RSF1: variants seen among roughly 807,000 people sequenced by gnomAD.
RSF1 encodes the protein remodeling and spacing factor 1, also known as HBV pX-associated protein 8.
Under a neutral mutation model 145.2 loss-of-function variants are expected in RSF1, and 13 were observed. That is an observed-to-expected ratio of 0.09 (90% CI 0.06 to 0.14). RSF1 has a LOEUF of 0.14. RSF1 is among the 10% of genes least tolerant of loss of function. The pLI is 1.00. For missense variants in RSF1, 1,517 were observed against 1,718.2 expected, an observed-to-expected ratio of 0.88 and a Z score of 2.07; for synonymous variants, 577 against 592.6, an observed-to-expected ratio of 0.97 and a Z score of 0.38.
chr11:77,834,952 C>T, the RSF1 span, among the ~76,000 whole-genome samples: 1 of 151,952 alleles, frequency 6.6e-6, no homozygotes, highest in African/African-American at 2.4e-5. Context: ...TGAGCTAAAC[C>T]AGAGTAGTCC....
the RSF1 span, among the ~76,000 whole-genome samples, chr11:77,832,884 A>G: frequency 6.6e-6 from 1 of 151,000 alleles, no homozygotes; most frequent in African/African-American, 2.4e-5. Context: ...TCCACAGACC[A>G]GGACAGAGAT....
intron 1 of RSF1, among the ~76,000 whole-genome samples, chr11:77,780,185 T>G (rs779254791): frequency 1.3e-5 from 2 of 152,218 alleles, no homozygotes; most frequent in African/African-American, 2.4e-5. Flanking sequence ...CATAAAGACT[T>G]GTTCAATTCA....
At chr11:77,755,069 G>A (rs145308304) in intron 2 of RSF1, among the ~76,000 whole-genome samples, 256 of 152,332 alleles carry the variant, frequency 1.7e-3, no homozygotes, top group Middle Eastern at 3.4e-3. Context: ...GTAGGTTAGG[G>A]TAAGGAATTA....
chr11:77,782,687 A>G (rs1243277210), intron 1 of RSF1, among the ~76,000 whole-genome samples: 1 of 152,220 alleles, frequency 6.6e-6, no homozygotes, highest in African/African-American at 2.4e-5. Context: ...AGAAAACATA[A>G]TATTTTGACA....
chr11:77,826,424 G>C, the RSF1 span, among the ~76,000 whole-genome samples: 3 of 152,176 alleles, frequency 2.0e-5, no homozygotes, highest in South Asian at 6.2e-4. Flanking sequence ...CTATGTGTCT[G>C]TGTTTTAAAT....
chr11:77,777,760 G>A lies in RSF1; in HGVS notation c.188-13071C>T, dbSNP rs533528893. ...AGCTACTCGAGAGACTCAGACAGGA[G>A]GACTGCATCAACCCAGGAGTTCAAG... On this transcript the variant is annotated intron_variant, in intron 1 of 15. Coordinates refer to ENST00000308488, the MANE Select transcript of RSF1 (RefSeq NM_016578.4). Among the ~76,000 whole-genome samples, 3 of 152,020 alleles carry A rather than the reference G, an allele frequency of 2.0e-5. No homozygotes were observed. In the South Asian group the frequency reaches 6.2e-4, roughly 32 times the overall value.
At chr11:77,845,267 G>T in the RSF1 span, among the ~76,000 whole-genome samples, 1 of 151,996 alleles carries the variant, frequency 6.6e-6, no homozygotes, top group South Asian at 2.1e-4. Flanking sequence ...AGGTCTCTGA[G>T]TCTATATTCT....
intron 1 of RSF1, among the ~76,000 whole-genome samples, chr11:77,777,699 G>A (rs1948356556): frequency 6.6e-6 from 1 of 152,112 alleles, no homozygotes; most frequent in Non-Finnish European, 1.5e-5. Context: ...AAAGAACTGA[G>A]TTGTGCTGAG....
At chr11:77,682,784 G>T (rs935715787) in intron 11 of RSF1, among the ~76,000 whole-genome samples, 2 of 152,214 alleles carry the variant, frequency 1.3e-5, no homozygotes, top group Non-Finnish European at 2.9e-5. Context: ...TCAGGGAAAA[G>T]AACTGGTTGC....
chr11:77,826,482 C>CAT, the RSF1 span, among the ~76,000 whole-genome samples: 1 of 152,116 alleles, frequency 6.6e-6, no homozygotes, highest in Non-Finnish European at 1.5e-5. Flanking sequence ...GGCAGTTTGA[C>CAT]ATCCTATACA....
intron 2 of RSF1, chr11:77,762,099 G>A (rs919631361): frequency 4.6e-5 from 6 of 129,720 alleles, no homozygotes; most frequent in African/African-American, 1.8e-4. Context: ...GAACTCCTGA[G>A]CTCAAGCAAT....
At chr11:77,757,319 G>A (rs917991582) in intron 2 of RSF1, among the ~76,000 whole-genome samples, 1 of 152,150 alleles carries the variant, frequency 6.6e-6, no homozygotes, top group African/African-American at 2.4e-5. Context: ...ACAGTGAGCA[G>A]GTCTGTGAAA....
intron 4 of RSF1, among the ~76,000 whole-genome samples, chr11:77,727,021 T>C (rs1961070826): frequency 6.6e-6 from 1 of 152,182 alleles, no homozygotes; most frequent in Non-Finnish European, 1.5e-5. Flanking sequence ...GACAATCAAT[T>C]ATACATGAGA....
rs1359962294 is a variant in RSF1, at chr11:77,740,751, A to C, written c.558T>G (p.Ser186=). Residue 186 remains serine (S), a synonymous_variant, in exon 4 of 16, where the codon TCT becomes TCG. Coordinates refer to ENST00000308488, the MANE Select transcript of RSF1 (RefSeq NM_016578.4). ...GATACCTGACAATGCATTTCCATGA[A>C]GAGCCATCTTGATCATCTTGTTCTT... ...YIEEQDDQDG[S]SWKCIVRNRN... is the part of the protein sequence containing the mutation. 6.2e-7 allele frequency: 1 copy of C among 1,614,076 alleles called. No individual in the cohort carries two copies. The highest frequency in any genetic ancestry group is 1.7e-5 in the Admixed American group (1 of 60,030).
chr11:77,774,664 C>T (rs1020004771), intron 1 of RSF1, among the ~76,000 whole-genome samples: 7 of 151,050 alleles, frequency 4.6e-5, no homozygotes, highest in Non-Finnish European at 7.4e-5. Flanking sequence ...CAGTGGCTCA[C>T]GCCTGTAATC....
intron 11 of RSF1, among the ~76,000 whole-genome samples, chr11:77,680,674 A>G (rs569803586): frequency 6.6e-6 from 1 of 152,322 alleles, no homozygotes; most frequent in Non-Finnish European, 1.5e-5. Flanking sequence ...TTTACAATGT[A>G]ATTTTTACTG....
At chr11:77,705,684 T>C (rs1399042345) in intron 5 of RSF1, among the ~76,000 whole-genome samples, 1 of 152,128 alleles carries the variant, frequency 6.6e-6, no homozygotes, top group Non-Finnish European at 1.5e-5. Flanking sequence ...AGCTGACTGG[T>C]GCCTTTTGCC....
At chr11:77,853,567 T>C in the RSF1 span, among the ~76,000 whole-genome samples, 4 of 152,180 alleles carry the variant, frequency 2.6e-5, no homozygotes, top group South Asian at 2.1e-4. Context: ...TAATTCGATA[T>C]GAGATTTGGT....
intron 8 of RSF1, among the ~76,000 whole-genome samples, chr11:77,692,389 C>T (rs1184747039): frequency 2.5e-5 from 3 of 119,646 alleles, no homozygotes; most frequent in African/African-American, 7.5e-5. Context: ...GGACTACAGG[C>T]GCCCGCCACT....
Sources: gnomAD v4.1 joint callset for allele counts (sites outside exome capture counted in the v4.1 genomes callset) on GRCh38, gnomAD v4.1.1 for gene constraint, MANE v1.5 for transcripts, NCBI Gene and HGNC (gene_info 2026-07-23, HGNC 2026-07-21) for gene names.